Variants in MEGF8 observed in about 807,000 individuals in gnomAD.
The protein encoded by MEGF8 is multiple epidermal growth factor-like domains protein 8.
MEGF8 carries 156 observed loss-of-function variants against 302.9 expected under a neutral mutation model. That is an observed-to-expected ratio of 0.52 (90% CI 0.45 to 0.59). MEGF8 has a LOEUF of 0.59. Among genes scored for constraint, MEGF8 ranks in the 20% least tolerant of loss-of-function variants. The probability of loss-of-function intolerance (pLI) is 0.00; values close to 1 mark genes in which losing one functional copy is unlikely to be tolerated. For synonymous variants in MEGF8, 1,621 were observed against 1,660.5 expected, an observed-to-expected ratio of 0.98 and a Z score of 0.58; for missense variants, 3,345 against 3,964.5, an observed-to-expected ratio of 0.84 and a Z score of 4.20.
intron 41 of MEGF8, among the ~76,000 whole-genome samples, chr19:42,374,357 A>G (rs1406679665): frequency 2.0e-5 from 3 of 151,498 alleles, no homozygotes; most frequent in African/African-American, 7.3e-5. Flanking sequence ...TGTAATCCCA[A>G]CTACTCGGGA....
intron 35 of MEGF8, among the ~76,000 whole-genome samples, chr19:42,364,716 G>T (rs1378392169): frequency 6.6e-6 from 1 of 152,194 alleles, no homozygotes; most frequent in Non-Finnish European, 1.5e-5. Flanking sequence ...TGGGATCTGG[G>T]TTTGACTCCA....
Position 42,363,268 on chromosome 19 carries a change from G to A in MEGF8, c.6273+6G>A. 6.3e-7 allele frequency: 1 copy of A among 1,583,354 alleles called. No homozygotes were observed. Among genetic ancestry groups the A allele is most frequent in the Non-Finnish European group, 8.6e-7 (1 of 1,164,872 alleles). ...GGAGCAGCAGCCTGCAGCAGGTACT[G>A]CACCTGGCCAGGACCGTGCCAGGCA... On this transcript the variant is annotated splice_donor_region_variant and intron_variant, in intron 35 of 41. Transcript: ENST00000251268.
chr19:42,367,099 T>A (rs930419125), intron 35 of MEGF8, among the ~76,000 whole-genome samples: 5 of 152,182 alleles, frequency 3.3e-5, no homozygotes, highest in African/African-American at 1.2e-4. Context: ...TAAAGTGCCT[T>A]ATACACTGAG....
In MEGF8 at chr19:42,353,699, C is replaced by T; in HGVS notation, c.3761+24C>T. 1 of 1,575,754 alleles carries T rather than the reference C, an allele frequency of 6.3e-7. No individual in the cohort carries two copies. Among genetic ancestry groups the T allele is most frequent in the East Asian group, 2.3e-5 (1 of 44,078 alleles). On this transcript the variant is annotated intron_variant, in intron 21 of 41. Coordinates refer to ENST00000251268, the MANE Select transcript of MEGF8 (RefSeq NM_001271938.2). The surrounding 1 kb of genome is among the most constrained non-coding windows in gnomAD (Gnocchi z 6.1). ...CGGTGAGCCAACGGGCCAGCCAGGGCTGGGTAGGGTGTGCTTGGGGACACA... is the reference window on the plus strand; with the variant it reads ...CGGTGAGCCAACGGGCCAGCCAGGGTTGGGTAGGGTGTGCTTGGGGACACA...
At position 42,362,128 on chromosome 19, in the gene MEGF8, G is replaced by A. The variant is rs773515719; in HGVS notation, c.5759G>A (p.Arg1920His). 1.2e-5 allele frequency: 19 copies of A among 1,612,158 alleles called. No homozygotes were observed. Among genetic ancestry groups the A allele is most frequent in the Admixed American group, 5.0e-5 (3 of 59,818 alleles). Residue 1920 changes from arginine to histidine, a missense_variant, in exon 33 of 42, where the codon CGC becomes CAC. Transcript: ENST00000251268. ...CGGSPCSPMPRSPEECRRLRT... is the reference protein window; with the variant it reads ...CGGSPCSPMPHSPEECRRLRT... Reference sequence around the variant, plus strand: ...GGCTCCCCCTGCTCCCCAATGCCTCGCTCCCCGGAGGAATGTCGACGTCTC... The same window carrying A: ...GGCTCCCCCTGCTCCCCAATGCCTCACTCCCCGGAGGAATGTCGACGTCTC...
intron 12 of MEGF8, 48 bp from the exon 13 acceptor site, chr19:42,348,224 G>C (rs769366480): frequency 3.4e-5 from 51 of 1,481,346 alleles, no homozygotes; most frequent in East Asian, 2.5e-4. Flanking sequence ...GATGTGGCCT[G>C]TGAGTCCAGA....
At chr19:42,350,470 T>C in intron 15 of MEGF8, 86 bp downstream of exon 15, 3 of 1,262,730 alleles carry the variant, frequency 2.4e-6, no homozygotes, top group Middle Eastern at 2.8e-4. Flanking sequence ...TGGTGGGGGG[T>C]GTGGGGGAAA....
At chr19:42,359,063 C>T (rs1295400248) in intron 30 of MEGF8, 35 bp from the exon 31 acceptor site, 9 of 1,518,988 alleles carry the variant, frequency 5.9e-6, no homozygotes, top group Non-Finnish European at 8.0e-6. Context: ...CTCTGACAGG[C>T]TGTCCTGTCC....
rs1485671400 is a variant in MEGF8, at chr19:42,362,577, C to T, written c.6038C>T (p.Thr2013Met). Residue 2013 changes from threonine (T) to methionine (M), a missense_variant, in exon 34 of 42, where the codon ACG (threonine) becomes ATG (methionine). Physicochemically the swap from Thr to Met is moderately conservative, Grantham distance 81. Transcript: ENST00000251268. ...ACGCGGGAGGGCAAGTGCATGTGGA[C>T]GCGGCAGTTCAAGAGGACAGGTGAG... The part of the protein sequence containing the change: ...QCTREGKCMW[T>M]RQFKRTGETR... The T allele has an allele frequency of 2.5e-6, 4 of 1,610,676 alleles. No homozygotes were observed. The highest frequency in any genetic ancestry group is 3.4e-6 in the Non-Finnish European group (4 of 1,179,444).
chr19:42,370,374 T>A lies in MEGF8; in HGVS notation c.7005+15T>A. 1.8e-5 allele frequency: 26 copies of A among 1,478,376 alleles called. No individual in the cohort carries two copies. The highest frequency in any genetic ancestry group is 2.2e-5 in the Non-Finnish European group (24 of 1,080,166). The allele number at this position is 1,478,376 out of a possible 1,614,324, so 91.6% of individuals were successfully genotyped here. On this transcript the variant is annotated intron_variant, in intron 39 of 41. Coordinates refer to ENST00000251268, the MANE Select transcript of MEGF8 (RefSeq NM_001271938.2). The stretch of plus-strand genomic sequence containing the variant: ...ACCCAGAGGAGGTGAAAGAGAGGGG[T>A]CAGATGCCTGGGTCTGAGGGAGGAG...
rs1415394148 is a variant in MEGF8, at chr19:42,351,107, G to A, written c.2737-109G>A. 1.1e-6 allele frequency: 1 copy of A among 942,970 alleles called. No individual in the cohort carries two copies. The highest frequency in any genetic ancestry group is 1.6e-6 in the Non-Finnish European group (1 of 629,300). The allele number at this position is 942,970 out of a possible 1,614,324, so 58.4% of individuals were successfully genotyped here. A position where few individuals can be genotyped will look rare whatever the true frequency, so the allele number is the denominator to read the frequency against. ...GACGCAGGCAGCTGGGGAGGGAGATGGCCTTACAGGGACAGTCTGCAGGGT... is the reference window on the plus strand; with the variant it reads ...GACGCAGGCAGCTGGGGAGGGAGATAGCCTTACAGGGACAGTCTGCAGGGT... On this transcript the variant is annotated intron_variant, in intron 15 of 41. Coordinates refer to ENST00000251268, the MANE Select transcript of MEGF8 (RefSeq NM_001271938.2). This position sits in a 1 kb window ranked among gnomAD's most constrained non-coding sequence, Gnocchi z 5.6.
chr19:42,357,112 G>C lies in MEGF8; in HGVS notation c.4830+131G>C, dbSNP rs1451907145. On this transcript the variant is annotated intron_variant, in intron 27 of 41. Coordinates refer to ENST00000251268, the MANE Select transcript of MEGF8 (RefSeq NM_001271938.2). The surrounding 1 kb of genome is among the most constrained non-coding windows in gnomAD (Gnocchi z 5.2). ...AAACTTGAATTTCCTCGGCCATCCTGGGTCACACTGTTGTCCTGAGCCAGT... is the reference window on the plus strand; with the variant it reads ...AAACTTGAATTTCCTCGGCCATCCTCGGTCACACTGTTGTCCTGAGCCAGT... 2.0e-6 allele frequency: 2 copies of C among 1,021,424 alleles called. No individual in the cohort carries two copies. The highest frequency in any genetic ancestry group is 2.8e-6 in the Non-Finnish European group (2 of 711,708). 63.3% of individuals were successfully genotyped at this position (1,021,424 alleles called of 1,614,324 possible).
At chr19:42,333,258 C>G (rs149936211) in intron 1 of MEGF8, among the ~76,000 whole-genome samples, 5 of 152,312 alleles carry the variant, frequency 3.3e-5, no homozygotes, top group African/African-American at 1.2e-4. Flanking sequence ...AGAGAGGCAT[C>G]AGGAACACTG....
chr19:42,352,822 A>G lies in MEGF8; in HGVS notation c.3351-106A>G. 3 of 881,330 alleles carry G rather than the reference A, an allele frequency of 3.4e-6. No individual in the cohort carries two copies. The South Asian group carries it at 4.9e-5, about 14-fold the overall frequency. The allele number at this position is 881,330 out of a possible 1,614,324, so 54.6% of individuals were successfully genotyped here. On this transcript the variant is annotated intron_variant, in intron 19 of 41. Transcript: ENST00000251268. The surrounding 1 kb of genome is among the most constrained non-coding windows in gnomAD (Gnocchi z 4.4). Reference sequence around the variant, plus strand: ...TCACCCACATAGCCCAAAACCATGGAAACAGCCAGTGGCTTTGATGGTGTC... The same window carrying G: ...TCACCCACATAGCCCAAAACCATGGGAACAGCCAGTGGCTTTGATGGTGTC...
chr19:42,348,255 C>T lies in MEGF8; in HGVS notation c.2098-17C>T. The T allele has an allele frequency of 6.5e-7, 1 of 1,532,876 alleles. No individual in the cohort carries two copies. Among genetic ancestry groups the T allele is most frequent in the Non-Finnish European group, 8.7e-7 (1 of 1,143,476 alleles). The allele number at this position is 1,532,876 out of a possible 1,614,324, so 95.0% of individuals were successfully genotyped here. ...CCAGAAAGGGACTCACACATACACCCATCCCTGGTGGCACAGGTCTCAATT... is the reference window on the plus strand; with the variant it reads ...CCAGAAAGGGACTCACACATACACCTATCCCTGGTGGCACAGGTCTCAATT... On this transcript the variant is annotated splice_polypyrimidine_tract_variant and intron_variant, in intron 12 of 41. Coordinates refer to ENST00000251268, the MANE Select transcript of MEGF8 (RefSeq NM_001271938.2).
rs1170082319 is a variant in MEGF8, at chr19:42,369,795, G to A, written c.6834+72G>A. On this transcript the variant is annotated intron_variant, in intron 38 of 41. Coordinates refer to ENST00000251268, the MANE Select transcript of MEGF8 (RefSeq NM_001271938.2). This position sits in a 1 kb window ranked among gnomAD's most constrained non-coding sequence, Gnocchi z 5.7. ...TCACTTGCCTTCATCCCACGCTCAG[G>A]CGGCTCGCATCTCATCCTGAGCCCT... 34 of 1,466,914 alleles carry A rather than the reference G, an allele frequency of 2.3e-5. No homozygotes were observed. The highest frequency in any genetic ancestry group is 2.9e-5 in the Non-Finnish European group (32 of 1,093,494). The allele number at this position is 1,466,914 out of a possible 1,614,324, so 90.9% of individuals were successfully genotyped here. A position where few individuals can be genotyped will look rare whatever the true frequency, so the allele number is the denominator to read the frequency against.
At chr19:42,349,849 T>C in intron 14 of MEGF8, 150 bp downstream of exon 14, 1 of 811,740 alleles carries the variant, frequency 1.2e-6, no homozygotes, top group Middle Eastern at 3.0e-4. Context: ...GGACCTCCTC[T>C]TGAACCCTGT....
chr19:42,358,328 C>T lies in MEGF8; in HGVS notation c.5175+21C>T. ...CAAAGGTCAGGAAAAGAGGCTCAGA[C>T]CCAAGGATGTATGGGGCAGGAGGGA... On this transcript the variant is annotated intron_variant, in intron 29 of 41. Transcript: ENST00000251268. The surrounding 1 kb of genome is among the most constrained non-coding windows in gnomAD (Gnocchi z 4.4). 6.3e-7 allele frequency: 1 copy of T among 1,588,348 alleles called. No homozygotes were observed. Among genetic ancestry groups the T allele is most frequent in the South Asian group, 1.2e-5 (1 of 86,720 alleles).
intron 8 of MEGF8, among the ~76,000 whole-genome samples, chr19:42,340,580 G>A (rs1235022057): frequency 2.0e-5 from 3 of 152,134 alleles, no homozygotes; most frequent in African/African-American, 7.2e-5. Context: ...TTGACCTTGT[G>A]ATCTGCCCGC....
Sources: allele counts gnomAD v4.1 joint callset (sites outside exome capture counted in the v4.1 genomes callset), GRCh38; gene constraint gnomAD v4.1.1; non-coding constraint Gnocchi (gnomAD v3.1); transcripts MANE v1.5; gene names NCBI Gene and HGNC (gene_info 2026-07-23, HGNC 2026-07-21).